HRH4: variants seen among roughly 807,000 people sequenced by gnomAD.
HRH4 encodes the protein histamine receptor H4.
Under a neutral mutation model 10.4 loss-of-function variants are expected in HRH4, and 12 were observed. The ratio of observed to expected loss-of-function variants is 1.15; its 90% CI spans 0.74 to 1.87. The LOEUF (loss-of-function observed/expected upper bound fraction) is 1.87. Among genes scored for constraint, HRH4 ranks in the 40% most tolerant of loss-of-function variants. The pLI, the probability that HRH4 is intolerant of heterozygous loss-of-function variation, is 0.00. For missense variants in HRH4, 415 were observed against 453.3 expected (o/e 0.92, Z 0.77); for synonymous variants, 154 against 166.6 (o/e 0.92, Z 0.58).
At chr18:24,466,088 T>C (rs2144368611) in intron 1 of HRH4, among the ~76,000 whole-genome samples, 1 of 151,854 alleles carries the variant, frequency 6.6e-6, no homozygotes, top group East Asian at 1.9e-4. Context: ...CAAGTGGACC[T>C]GGTGACCTAT....
At position 24,477,953 on chromosome 18, in the gene HRH4, C is replaced by T. The variant is rs540001870; in HGVS notation, c.*391C>T. On this transcript the variant is annotated 3_prime_UTR_variant, in exon 3 of 3. Coordinates refer to ENST00000256906, the MANE Select transcript of HRH4 (RefSeq NM_021624.4). ...AAGCATGCAATAGGAAAAAGAACCT[C>T]CTGGCTGGGACTGCCCAACTCTGTT... is the stretch of plus-strand genomic sequence containing the variant. 20 of 162,164 alleles carry T rather than the reference C, an allele frequency of 1.2e-4. 1 individual carries two copies. In the South Asian group the frequency reaches 2.7e-3, roughly 22 times the overall value. The allele number at this position is 162,164 out of a possible 1,614,324, so 10.0% of individuals were successfully genotyped here.
At chr18:24,467,009 C>T (rs961202998) in intron 1 of HRH4, among the ~76,000 whole-genome samples, 4 of 152,190 alleles carry the variant, frequency 2.6e-5, no homozygotes, top group Non-Finnish European at 5.9e-5. Flanking sequence ...TGAAGAGTTG[C>T]AGGTAAAGTC....
rs1910218753 is a variant in HRH4 at position 24,478,724 on chromosome 18, G to GCGTA, written c.*1163_*1166dup. The GCGTA allele has an allele frequency of 3.9e-5, 6 of 152,348 alleles. No individual in the cohort carries two copies. The South Asian group carries it at 1.2e-3, about 32-fold the overall frequency. The allele number at this position is 152,348 out of a possible 1,614,324, so 9.4% of individuals were successfully genotyped here. ...ATCTTGCTCTGTCTCCCAGGCTGGA[G>GCGTA]CGTAGTAATGCAATCATAGCTCACT... On this transcript the variant is annotated 3_prime_UTR_variant, in exon 3 of 3. Coordinates refer to ENST00000256906, the MANE Select transcript of HRH4 (RefSeq NM_021624.4).
intron 2 of HRH4, among the ~76,000 whole-genome samples, chr18:24,473,399 G>A (rs945586646): frequency 6.6e-6 from 1 of 152,156 alleles, no homozygotes; most frequent in Non-Finnish European, 1.5e-5. Context: ...TTGAAATCAA[G>A]GTGCTGACAG....
chr18:24,475,373 C>T (rs927569852), intron 2 of HRH4, among the ~76,000 whole-genome samples: 3 of 152,186 alleles, frequency 2.0e-5, no homozygotes, highest in African/African-American at 7.2e-5. Context: ...TTTGTAATCA[C>T]AGCATTTTGA....
chr18:24,464,919 A>G (rs1909734453), intron 1 of HRH4, among the ~76,000 whole-genome samples: 1 of 152,176 alleles, frequency 6.6e-6, no homozygotes, highest in South Asian at 2.1e-4. Flanking sequence ...AAAAAAATGC[A>G]GAGAGGAGGG....
Position 24,468,828 on chromosome 18 carries a change from C to T in HRH4, c.234C>T (p.Phe78=), listed in dbSNP as rs778019795. 23 of 1,613,930 alleles carry T rather than the reference C, an allele frequency of 1.4e-5. No individual in the cohort carries two copies. Among genetic ancestry groups the T allele is most frequent in the South Asian group, 4.4e-5 (4 of 91,048 alleles). ...CTTTGTACATCCCTCACACGCTGTT[C>T]GAATGGGATTTTGGAAAGGAAATCT... ...SIPLYIPHTL[F]EWDFGKEICV... The change falls in exon 2 of 3, where the codon TTC becomes TTT. Residue 78 remains phenylalanine (F), a synonymous_variant. Transcript: ENST00000256906.
chr18:24,465,073 G>A lies in HRH4; in HGVS notation c.194-3715G>A, dbSNP rs1909738611. ...AGGCCAAGGTGGGTGGATCACTTGA[G>A]GCCAGGAGTTCGAGACCAGCCTGGC... On this transcript the variant is annotated intron_variant, in intron 1 of 2. Transcript: ENST00000256906. Among the ~76,000 whole-genome samples the A allele has an allele frequency of 2.6e-5, 4 of 151,952 alleles. No individual in the cohort carries two copies. In the South Asian group the frequency reaches 8.3e-4, roughly 32 times the overall value.
chr18:24,474,763 T>C (rs1910088967), intron 2 of HRH4, among the ~76,000 whole-genome samples: 1 of 151,710 alleles, frequency 6.6e-6, no homozygotes, highest in Admixed American at 6.6e-5. Flanking sequence ...CTCGGTTCAC[T>C]GAAACCTCTG....
In HRH4 at chr18:24,477,349, T is replaced by C. The variant is rs150639126; in HGVS notation, c.960T>C (p.Ser320=). 1.2e-4 allele frequency: 192 copies of C among 1,614,018 alleles called. No individual in the cohort carries two copies. The highest frequency in any genetic ancestry group is 1.5e-4 in the Non-Finnish European group (182 of 1,179,984). ...TTGCTGTTTGCTGGGCTCCATATTC[T>C]CTGTTCACAATTGTCCTTTCATTTT... ...GVFAVCWAPY[S]LFTIVLSFYS... The change falls in exon 3 of 3, where the codon TCT becomes TCC. Residue 320 remains serine (S), a synonymous_variant. Coordinates refer to ENST00000256906, the MANE Select transcript of HRH4 (RefSeq NM_021624.4).
At chr18:24,470,354 G>A (rs145286457) in intron 2 of HRH4, among the ~76,000 whole-genome samples, 12 of 152,196 alleles carry the variant, frequency 7.9e-5, no homozygotes, top group African/African-American at 2.9e-4. Flanking sequence ...ATTTGGCTTT[G>A]TAGAACCTAC....
intron 1 of HRH4, among the ~76,000 whole-genome samples, chr18:24,462,616 A>G (rs994157947): frequency 6.6e-6 from 1 of 152,224 alleles, no homozygotes; most frequent in Non-Finnish European, 1.5e-5. Context: ...AGAAACAGGA[A>G]GTATTTGGGC....
intron 2 of HRH4, among the ~76,000 whole-genome samples, chr18:24,476,357 A>G (rs1910130465): frequency 6.6e-6 from 1 of 152,202 alleles, no homozygotes; most frequent in South Asian, 2.1e-4. Flanking sequence ...CAACTATTCT[A>G]TTTCATTAAA....
chr18:24,465,047 G>A (rs1246080490), intron 1 of HRH4, among the ~76,000 whole-genome samples: 1 of 152,040 alleles, frequency 6.6e-6, no homozygotes, highest in Non-Finnish European at 1.5e-5. Context: ...AGCACTTTGA[G>A]AGGCCAAGGT....
intron 2 of HRH4, among the ~76,000 whole-genome samples, chr18:24,475,499 T>A (rs890858245): frequency 3.9e-5 from 6 of 152,112 alleles, no homozygotes; most frequent in African/African-American, 1.2e-4. Context: ...GTGGTGTACA[T>A]CTGTGGTCCT....
chr18:24,464,278 A>G (rs1909718300), intron 1 of HRH4, among the ~76,000 whole-genome samples: 1 of 152,114 alleles, frequency 6.6e-6, no homozygotes, highest in South Asian at 2.1e-4. Flanking sequence ...TGGCTTGCAG[A>G]CGGCTGCCGT....
At chr18:24,472,952 C>G (rs760486844) in intron 2 of HRH4, among the ~76,000 whole-genome samples, 1 of 152,072 alleles carries the variant, frequency 6.6e-6, no homozygotes, top group African/African-American at 2.4e-5. Context: ...GTTAGGAGTT[C>G]GAGACCAGCC....
intron 2 of HRH4, 105 bp downstream of exon 2, chr18:24,469,056 G>T (rs1909863217): frequency 1.3e-6 from 1 of 785,224 alleles, no homozygotes; most frequent in Admixed American, 3.2e-5. Context: ...TTAATCGACA[G>T]GCCTTAGAGG....
rs1050514380 is a variant in HRH4, at chr18:24,479,135, A to AT, written c.*1586dup. On this transcript the variant is annotated 3_prime_UTR_variant, in exon 3 of 3. Transcript: ENST00000256906. ...GTTTTGCCATTTTGGTCAGGCTGGAATTTTTTTTTTTTTAATTTTGATAAG... is the reference window on the plus strand; with the variant it reads ...GTTTTGCCATTTTGGTCAGGCTGGAATTTTTTTTTTTTTTAATTTTGATAAG... 920 of 145,752 alleles carry AT rather than the reference A, an allele frequency of 6.3e-3. 4 individuals are homozygous for AT. The highest frequency in any genetic ancestry group is 0.02 in the African/African-American group (806 of 39,990). 9.0% of individuals were successfully genotyped at this position (145,752 alleles called of 1,614,324 possible).
Sources: gnomAD v4.1 joint callset for allele counts (sites outside exome capture counted in the v4.1 genomes callset) on GRCh38, gnomAD v4.1.1 for gene constraint, MANE v1.5 for transcripts, NCBI Gene and HGNC (gene_info 2026-07-23, HGNC 2026-07-21) for gene names.